The following ZNF786 variants were observed in gnomAD, a reference collection of about 807,000 sequenced individuals.
ZNF786 encodes the protein zinc finger protein 786.
In ZNF786, 56 loss-of-function variants were observed where a neutral mutation model predicts 63.1. The observed-to-expected ratio is 0.89, with a 90% CI of 0.72 to 1.11. The LOEUF is 1.11. Ranked by LOEUF, ZNF786 falls within the 50% of genes least tolerant of loss-of-function variation. ZNF786 has a pLI of 0.00. For synonymous variants in ZNF786, 485 were observed against 406.9 expected, an observed-to-expected ratio of 1.19 and a Z score of -2.31; for missense variants, 1,213 against 1,041.8, an observed-to-expected ratio of 1.16 and a Z score of -2.26.
At chr7:149,073,081 TC>T (rs1357707159) in intron 3 of ZNF786, among the ~76,000 whole-genome samples, 1 of 152,120 alleles carries the variant, frequency 6.6e-6, no homozygotes, top group Non-Finnish European at 1.5e-5. Flanking sequence ...GGCCTATTCC[TC>T]CCTCCCTGCC....
At position 149,072,059 on chromosome 7, in the gene ZNF786, C is replaced by T. The variant is rs1222000438; in HGVS notation, c.713G>A (p.Arg238Lys). 4 of 1,613,154 alleles carry T rather than the reference C, an allele frequency of 2.5e-6. No individual in the cohort carries two copies. Among genetic ancestry groups the T allele is most frequent in the African/African-American group, 1.3e-5 (1 of 74,936 alleles). The change falls in exon 4 of 4, where the codon AGG becomes AAG. Residue 238 changes from arginine (R) to lysine (K), a missense_variant. Arg to Lys is a conservative substitution (Grantham distance 26). Coordinates refer to ENST00000491431, the MANE Select transcript of ZNF786 (RefSeq NM_152411.4). ...ACCGCACACGCCACACCGGAAGTGCCTCTGTACCCGAGGGCTGCTCCACGG... is the reference window on the plus strand; with the variant it reads ...ACCGCACACGCCACACCGGAAGTGCTTCTGTACCCGAGGGCTGCTCCACGG... ...QMPWSSPRVQ[R>K]HFRCGVCGKS...
At chr7:149,085,594 C>T (rs369307254) in intron 1 of ZNF786, among the ~76,000 whole-genome samples, 6 of 152,220 alleles carry the variant, frequency 3.9e-5, no homozygotes, top group Non-Finnish European at 4.4e-5. Context: ...GGATTACAGG[C>T]GTGAGCCACC....
At chr7:149,089,401 A>T (rs1585473115) in intron 1 of ZNF786, among the ~76,000 whole-genome samples, 1 of 147,710 alleles carries the variant, frequency 6.8e-6, no homozygotes, top group Non-Finnish European at 1.5e-5. Flanking sequence ...TGCAACCTCC[A>T]CCTCCCGAGT....
At chr7:149,077,081 T>C (rs921343736) in intron 2 of ZNF786, among the ~76,000 whole-genome samples, 1 of 152,224 alleles carries the variant, frequency 6.6e-6, no homozygotes, top group Admixed American at 6.5e-5. Context: ...CTATCAGATG[T>C]TTTACTATCT....
intron 1 of ZNF786, among the ~76,000 whole-genome samples, chr7:149,088,327 T>C (rs1585472424): frequency 6.6e-6 from 1 of 152,268 alleles, no homozygotes; most frequent in Middle Eastern, 3.4e-3. Flanking sequence ...TCAGGCAGTT[T>C]TTAAGGCAAT....
intron 3 of ZNF786, 105 bp from the exon 4 acceptor site, chr7:149,072,578 C>A: frequency 3.8e-6 from 5 of 1,323,720 alleles, no homozygotes; most frequent in Non-Finnish European, 5.0e-6. Flanking sequence ...GCCTGGGAAC[C>A]CAGCTTCCAC....
At chr7:149,079,272 A>G (rs1165611384) in intron 2 of ZNF786, among the ~76,000 whole-genome samples, 3 of 151,666 alleles carry the variant, frequency 2.0e-5, no homozygotes, top group African/African-American at 2.4e-5. Flanking sequence ...AGCCGGGTGC[A>G]GTGGTGGGCG....
chr7:149,072,242 C>G lies in ZNF786; in HGVS notation c.530G>C (p.Trp177Ser), dbSNP rs1281546800. 1 of 1,613,536 alleles carries G rather than the reference C, an allele frequency of 6.2e-7. No homozygotes were observed. The highest frequency in any genetic ancestry group is 1.1e-5 in the South Asian group (1 of 90,992). Residue 177 changes from tryptophan (W) to serine (S), a missense_variant, in exon 4 of 4, where the codon TGG becomes TCG. Coordinates refer to ENST00000491431, the MANE Select transcript of ZNF786 (RefSeq NM_152411.4). ...GPRNLDLPGL[W>S]DVPAWESTQH... ...GGTGCTCTCCCAGGCGGGGACGTCC[C>G]ACAAACCAGGAAGATCCAGATTTCT...
Position 149,072,455 on chromosome 7 carries a change from T to C in ZNF786, c.317A>G (p.Asn106Ser). ...QLFWGSQQAM[N>S]SGKTKSHFQL... is the part of the protein sequence containing the mutation. ...GAAATGGCTTTTAGTTTTTCCTGAA[T>C]TCATAGCCTGCTGGCTTCCTGCAAT... Residue 106 changes from asparagine (N) to serine (S), a missense_variant, in exon 4 of 4, where the codon AAT (asparagine) becomes AGT (serine). Asn to Ser is a conservative substitution (Grantham distance 46, BLOSUM62 1). Transcript: ENST00000491431. 6.3e-7 allele frequency: 1 copy of C among 1,593,532 alleles called. No homozygotes were observed. The highest frequency in any genetic ancestry group is 8.5e-7 in the Non-Finnish European group (1 of 1,171,084).
chr7:149,071,082 G>A lies in ZNF786; in HGVS notation c.1690C>T (p.Pro564Ser). 6.2e-7 allele frequency: 1 copy of A among 1,612,008 alleles called. No individual in the cohort carries two copies. Among genetic ancestry groups the A allele is most frequent in the Non-Finnish European group, 8.5e-7 (1 of 1,179,538 alleles). The change falls in exon 4 of 4, where the codon CCG becomes TCG. Residue 564 changes from proline (P) to serine (S), a missense_variant. Coordinates refer to ENST00000491431, the MANE Select transcript of ZNF786 (RefSeq NM_152411.4). ...AHQHTHSKER[P>S]FSCGECGKGF... ...TTGCCACACTCCCCGCACGAGAACG[G>A]CCTCTCCTTGCTGTGCGTGTGCTGG...
At chr7:149,075,828 A>G (rs1216215941) in intron 2 of ZNF786, among the ~76,000 whole-genome samples, 1 of 151,568 alleles carries the variant, frequency 6.6e-6, no homozygotes, top group Non-Finnish European at 1.5e-5. Flanking sequence ...ATGCTCAGCT[A>G]ATTTTTAAAT....
At position 149,070,395 on chromosome 7, in the gene ZNF786, C is replaced by A. The variant is rs768760844; in HGVS notation, c.*28G>T. 6.2e-7 allele frequency: 1 copy of A among 1,603,814 alleles called. No individual in the cohort carries two copies. Among genetic ancestry groups the A allele is most frequent in the Non-Finnish European group, 8.5e-7 (1 of 1,173,576 alleles). ...GGATTCCTGGGCAATACCAATCCTG[C>A]TCAACGCTTTGGATGTCCCACTCTG... On this transcript the variant is annotated 3_prime_UTR_variant, in exon 4 of 4. Coordinates refer to ENST00000491431, the MANE Select transcript of ZNF786 (RefSeq NM_152411.4).
intron 2 of ZNF786, among the ~76,000 whole-genome samples, chr7:149,078,319 G>A (rs1262686801): frequency 6.6e-6 from 1 of 152,090 alleles, no homozygotes; most frequent in Non-Finnish European, 1.5e-5. Flanking sequence ...TGATTCTTCA[G>A]TAACAATGAA....
rs367760338 is a variant in ZNF786 at position 149,071,468 on chromosome 7, G to A, written c.1304C>T (p.Ala435Val). The change falls in exon 4 of 4, where the codon GCC becomes GTC. Residue 435 changes from alanine (A) to valine (V), a missense_variant. Ala to Val is a moderately conservative substitution (Grantham distance 64, BLOSUM62 0). Transcript: ENST00000491431. ...GTGCTCCGTGAGTTTACACTGCTTG[G>A]CGAAGCCCTTGCCACACTTCCTGCA... ...FSCRKCGKGF[A>V]KQCKLTEHIR... 13 of 1,613,040 alleles carry A rather than the reference G, an allele frequency of 8.1e-6. No homozygotes were observed. The African/African-American group carries it at 1.6e-4, about 20-fold the overall frequency.
In ZNF786 at chr7:149,072,212, T is replaced by C. The variant is rs536990075; in HGVS notation, c.560A>G (p.His187Arg). ...GCTTTCCCCGCAGACAGGCCAAGGG[T>C]GCTGGGTGCTCTCCCAGGCGGGGAC... ...WDVPAWESTQ[H>R]PWPVCGESCW... The change falls in exon 4 of 4, where the codon CAC (histidine) becomes CGC (arginine). Residue 187 changes from histidine to arginine, a missense_variant. By Grantham distance (29) the His-to-Arg change is conservative. Transcript: ENST00000491431. 22 of 1,613,502 alleles carry C rather than the reference T, an allele frequency of 1.4e-5. No individual in the cohort carries two copies. The African/African-American group carries it at 2.0e-4, about 15-fold the overall frequency.
intron 1 of ZNF786, among the ~76,000 whole-genome samples, chr7:149,083,805 C>T (rs1392501854): frequency 6.6e-6 from 1 of 152,190 alleles, no homozygotes; most frequent in East Asian, 1.9e-4. Flanking sequence ...GTTTTCTACT[C>T]CTGTGTTATC....
At chr7:149,084,214 T>C (rs1825694740) in intron 1 of ZNF786, among the ~76,000 whole-genome samples, 2 of 151,790 alleles carry the variant, frequency 1.3e-5, no homozygotes, top group South Asian at 4.2e-4. Flanking sequence ...TACAAAAAAT[T>C]AGCTGGGCGT....
chr7:149,070,031 T>A lies in ZNF786; in HGVS notation c.*392A>T, dbSNP rs1227665733. On this transcript the variant is annotated 3_prime_UTR_variant, in exon 4 of 4. Coordinates refer to ENST00000491431, the MANE Select transcript of ZNF786 (RefSeq NM_152411.4). ...GGTAATCACATCTTATCTGGATTTC[T>A]GTGTGCACCTTTTCTTAAAAATGTT... is the stretch of plus-strand genomic sequence containing the variant. 1.2e-5 allele frequency: 2 copies of A among 170,776 alleles called. No homozygotes were observed. The highest frequency in any genetic ancestry group is 3.2e-4 in the East Asian group (2 of 6,334). The allele number at this position is 170,776 out of a possible 1,614,324, so 10.6% of individuals were successfully genotyped here.
rs200310267 is a variant in ZNF786, at chr7:149,071,956, G to C, written c.816C>G (p.Asp272Glu). 13 of 1,611,714 alleles carry C rather than the reference G, an allele frequency of 8.1e-6. No homozygotes were observed. In the East Asian group the frequency reaches 1.6e-4, roughly 19 times the overall value. ...GCTCGTGTCGGAAGCACATTTCACC[G>C]TCAGCGTTCCGGAAGGGGCCCCTCC... ...HTGRGPFRNA[D>E]GEMCFRHELT... is the part of the protein sequence containing the mutation. Residue 272 changes from aspartate to glutamate, a missense_variant, in exon 4 of 4, where the codon GAC (aspartate) becomes GAG (glutamate). Transcript: ENST00000491431.
Sources: allele counts gnomAD v4.1 joint callset (sites outside exome capture counted in the v4.1 genomes callset), GRCh38; gene constraint gnomAD v4.1.1; transcripts MANE v1.5; gene names NCBI Gene and HGNC (gene_info 2026-07-23, HGNC 2026-07-21).